The following GPC5 variants were observed in gnomAD, a reference collection of about 807,000 sequenced individuals.
GPC5 encodes the protein glypican-5.
In GPC5, 47 loss-of-function variants were observed where a neutral mutation model predicts 53.9. The observed-to-expected ratio is 0.87, with a 90% CI of 0.69 to 1.11. The LOEUF (loss-of-function observed/expected upper bound fraction) is 1.11. GPC5 is among the 50% of genes most tolerant of loss of function. The pLI, the probability that GPC5 is intolerant of heterozygous loss-of-function variation, is 0.00. For missense variants in GPC5, 748 were observed against 713.1 expected (o/e 1.05, Z -0.56); for synonymous variants, 286 against 263.3 (o/e 1.09, Z -0.84).
rs1361656178 is a variant in GPC5, at chr13:92,866,703, G to A, written c.*264G>A. The A allele has an allele frequency of 4.0e-6, 1 of 247,786 alleles. No homozygotes were observed. Among genetic ancestry groups the A allele is most frequent in the Non-Finnish European group, 7.6e-6 (1 of 130,770 alleles). 15.3% of individuals were successfully genotyped at this position (247,786 alleles called of 1,614,324 possible). ...TATATTAAATCTGAAGATGTGAAGG[G>A]CACAGAAGTGACTTTGAATAAGAAG... is the stretch of plus-strand genomic sequence containing the variant. On this transcript the variant is annotated 3_prime_UTR_variant, in exon 8 of 8. Transcript: ENST00000377067.
At chr13:92,691,172 G>GC (rs1252462914) in intron 7 of GPC5, among the ~76,000 whole-genome samples, 2 of 101,764 alleles carry the variant, frequency 2.0e-5, no homozygotes, top group African/African-American at 8.2e-5. Context: ...CAGCCTCGTT[G>GC]CCGCCTTGCA....
At chr13:91,407,756 T>C (rs145358263) in intron 1 of GPC5, among the ~76,000 whole-genome samples, 171 of 152,298 alleles carry the variant, frequency 1.1e-3, no homozygotes, top group African/African-American at 4.1e-3. Context: ...TCAGTCTCTA[T>C]TGTGGATCAA....
At chr13:91,492,945 C>T (rs923581340) in intron 2 of GPC5, among the ~76,000 whole-genome samples, 7 of 152,102 alleles carry the variant, frequency 4.6e-5, no homozygotes, top group Admixed American at 3.3e-4. Flanking sequence ...CTCTTTCCCC[C>T]CAGTGCTTCT....
chr13:92,384,616 G>C (rs1254948818), intron 7 of GPC5, among the ~76,000 whole-genome samples: 2 of 152,072 alleles, frequency 1.3e-5, no homozygotes, highest in Non-Finnish European at 2.9e-5. Flanking sequence ...CTTAAAAGCA[G>C]ACAATTCCAG....
chr13:92,602,547 T>C (rs1884112364), intron 7 of GPC5, among the ~76,000 whole-genome samples: 1 of 152,016 alleles, frequency 6.6e-6, no homozygotes, highest in African/African-American at 2.4e-5. Flanking sequence ...ATTTAGCAGC[T>C]TATTTCTTTT....
chr13:92,716,793 A>G (rs1174065928), intron 7 of GPC5, among the ~76,000 whole-genome samples: 1 of 152,174 alleles, frequency 6.6e-6, no homozygotes, highest in East Asian at 1.9e-4. Context: ...TGGAACCTGG[A>G]CTTGAAACAA....
At chr13:91,641,154 A>G (rs1328258073) in intron 2 of GPC5, among the ~76,000 whole-genome samples, 1 of 152,048 alleles carries the variant, frequency 6.6e-6, no homozygotes, top group African/African-American at 2.4e-5. Flanking sequence ...GGTGAAACGC[A>G]GTCTTTACTA....
intron 7 of GPC5, among the ~76,000 whole-genome samples, chr13:92,301,883 GCAAGA>G (rs2043078049): frequency 6.6e-6 from 1 of 152,036 alleles, no homozygotes; most frequent in Non-Finnish European, 1.5e-5. Context: ...GGGCAACAGA[GCAAGA>G]CTGTCTCAAA....
At chr13:92,054,625 C>T (rs1222681729) in intron 6 of GPC5, among the ~76,000 whole-genome samples, 5 of 152,144 alleles carry the variant, frequency 3.3e-5, no homozygotes, top group Non-Finnish European at 7.4e-5. Context: ...GTGAGTTACA[C>T]AACAAGACCT....
At chr13:92,251,349 G>C (rs1379860353) in intron 7 of GPC5, among the ~76,000 whole-genome samples, 67 of 152,228 alleles carry the variant, frequency 4.4e-4, no homozygotes, top group Middle Eastern at 3.4e-3. Flanking sequence ...AATTACCAGT[G>C]TAAGGTGGCT....
chr13:92,664,299 G>T (rs1886496076), intron 7 of GPC5, among the ~76,000 whole-genome samples: 1 of 151,750 alleles, frequency 6.6e-6, no homozygotes. Flanking sequence ...GATTGATTGG[G>T]TCTGTGGTAA....
intron 2 of GPC5, among the ~76,000 whole-genome samples, chr13:91,658,542 C>A (rs1269751683): frequency 2.6e-5 from 4 of 152,064 alleles, no homozygotes; most frequent in African/African-American, 9.7e-5. Context: ...TTGTTTAATG[C>A]CATTTGAATT....
At chr13:92,031,527 G>A (rs748168358) in intron 6 of GPC5, among the ~76,000 whole-genome samples, 24 of 150,032 alleles carry the variant, frequency 1.6e-4, no homozygotes, top group Non-Finnish European at 2.4e-4. Context: ...CCTTTTCACC[G>A]CATCCACACC....
At chr13:92,631,418 C>T (rs1184158059) in intron 7 of GPC5, among the ~76,000 whole-genome samples, 2 of 152,048 alleles carry the variant, frequency 1.3e-5, no homozygotes, top group Non-Finnish European at 2.9e-5. Flanking sequence ...TCAAGGTTAA[C>T]ATGCTAGCTA....
chr13:91,460,266 T>C (rs1881848029), intron 2 of GPC5, among the ~76,000 whole-genome samples: 1 of 151,954 alleles, frequency 6.6e-6, no homozygotes, highest in Non-Finnish European at 1.5e-5. Flanking sequence ...TATTAATAGT[T>C]ATCAATCATT....
chr13:92,058,826 G>A (rs1442397665), intron 6 of GPC5, among the ~76,000 whole-genome samples: 1 of 152,126 alleles, frequency 6.6e-6, no homozygotes, highest in Non-Finnish European at 1.5e-5. Flanking sequence ...TTACTGGCGT[G>A]AACCACCGCC....
chr13:92,649,449 A>C (rs1885884874), intron 7 of GPC5, among the ~76,000 whole-genome samples: 1 of 152,262 alleles, frequency 6.6e-6, no homozygotes, highest in Admixed American at 6.5e-5. Flanking sequence ...GATTGTCTAT[A>C]AAATTGTGTT....
At chr13:92,434,042 T>C (rs1452380924) in intron 7 of GPC5, among the ~76,000 whole-genome samples, 1 of 152,172 alleles carries the variant, frequency 6.6e-6, no homozygotes, top group East Asian at 1.9e-4. Flanking sequence ...ATTTAAGAAA[T>C]GAGTACAGTT....
At chr13:91,841,721 G>T (rs1278099549) in intron 5 of GPC5, among the ~76,000 whole-genome samples, 1 of 151,982 alleles carries the variant, frequency 6.6e-6, no homozygotes, top group Non-Finnish European at 1.5e-5. Flanking sequence ...GAAAAATGAG[G>T]GAAATAAGAA....
Sources: allele counts gnomAD v4.1 joint callset (sites outside exome capture counted in the v4.1 genomes callset), GRCh38; gene constraint gnomAD v4.1.1; transcripts MANE v1.5; gene names NCBI Gene and HGNC (gene_info 2026-07-23, HGNC 2026-07-21).